The following PPP2R2B variants were observed in gnomAD, a reference collection of about 807,000 sequenced individuals.
PPP2R2B encodes serine/threonine-protein phosphatase 2A 55 kDa regulatory subunit B beta isoform.
Under a neutral mutation model 46.0 loss-of-function variants are expected in PPP2R2B, and 5 were observed. The ratio of observed to expected loss-of-function variants is 0.11; its 90% CI spans 0.06 to 0.23. The LOEUF is 0.23. Ranked by LOEUF, PPP2R2B falls within the 10% of genes least tolerant of loss-of-function variation. The pLI is 1.00. For synonymous variants in PPP2R2B, 215 were observed against 206.7 expected (o/e 1.04, Z -0.34); for missense variants, 367 against 575.0 (o/e 0.64, Z 3.70).
rs1269433842 is a variant in PPP2R2B, at chr5:146,844,939, G to T, written c.70+33063C>A. ...AAGCCCCTTCCCCTAAAGCTCTGTA[G>T]ATTTCAGAGCCCTTAGAATAACATT... On this transcript the variant is annotated intron_variant, in intron 2 of 9. Coordinates refer to ENST00000394411, the MANE Select transcript of PPP2R2B (RefSeq NM_181675.4). 2.0e-5 allele frequency among the ~76,000 whole-genome samples: 3 copies of T among 152,282 alleles called. No individual in the cohort carries two copies. In the East Asian group the frequency reaches 5.8e-4, roughly 29 times the overall value.
In PPP2R2B at chr5:146,675,288, T is replaced by C. The variant is rs6864778; in HGVS notation, c.447+15840A>G. ...ACTTGGTATTTTATACAACATAAAT[T>C]GTGATGAAAATCTGAGTATTGCCCA... On this transcript the variant is annotated intron_variant, in intron 5 of 9. Coordinates refer to ENST00000394411, the MANE Select transcript of PPP2R2B (RefSeq NM_181675.4). Among the ~76,000 whole-genome samples, 1,273 of 152,284 alleles carry C rather than the reference T, an allele frequency of 8.4e-3. 20 individuals carry two copies. Among genetic ancestry groups the C allele is most frequent in the African/African-American group, 0.029 (1,221 of 41,552 alleles).
At chr5:146,596,635 C>T (rs1473222085) in intron 8 of PPP2R2B, among the ~76,000 whole-genome samples, 3 of 152,156 alleles carry the variant, frequency 2.0e-5, no homozygotes, top group African/African-American at 4.8e-5. Context: ...ATTAAGGATT[C>T]GAATCCTGTA....
chr5:146,622,450 G>A (rs1045369472), intron 7 of PPP2R2B, among the ~76,000 whole-genome samples: 7 of 152,114 alleles, frequency 4.6e-5, no homozygotes, highest in Non-Finnish European at 1.0e-4. Context: ...TCTGACCCCA[G>A]AACCAGCACT....
chr5:146,968,527 C>A (rs982385875), intron 1 of PPP2R2B, among the ~76,000 whole-genome samples: 1 of 152,164 alleles, frequency 6.6e-6, no homozygotes, highest in Non-Finnish European at 1.5e-5. Context: ...ATTGAAACTA[C>A]GAAGATCTAT....
rs559337699 is a variant in PPP2R2B at position 146,898,488 on chromosome 5, G to A, written c.79+157177C>T. ...AAAAATTAATTCAAGATGGATTAAA[G>A]ACTTGAACATTAGACCTAAAACCAT... On this transcript the variant is annotated intron_variant, in intron 1 of 8. Coordinates refer to the PPP2R2B transcript ENST00000336640. 1.9e-3 allele frequency among the ~76,000 whole-genome samples: 290 copies of A among 152,152 alleles called. 1 individual carries two copies. The highest frequency in any genetic ancestry group is 6.6e-3 in the African/African-American group (275 of 41,480).
At chr5:147,060,755 G>A (rs1487813641), upstream of PPP2R2B, among the ~76,000 whole-genome samples, 2 of 152,176 alleles carry the variant, frequency 1.3e-5, no homozygotes, top group Admixed American at 1.3e-4. Context: ...GATCAAATGA[G>A]GTAATCCAAT....
At chr5:146,908,695 C>T (rs1167054566) in intron 1 of PPP2R2B, among the ~76,000 whole-genome samples, 2 of 152,090 alleles carry the variant, frequency 1.3e-5, no homozygotes, top group African/African-American at 2.4e-5. Context: ...CCCAAAGGCC[C>T]TACACTAGTC....
intron 1 of PPP2R2B, among the ~76,000 whole-genome samples, chr5:146,897,826 T>C (rs1762695837): frequency 1.3e-5 from 2 of 151,966 alleles, no homozygotes; most frequent in Non-Finnish European, 2.9e-5. Flanking sequence ...AAACATGGAA[T>C]TAAAAAATAT....
chr5:146,795,408 T>C (rs1313060979), intron 2 of PPP2R2B, among the ~76,000 whole-genome samples: 1 of 152,102 alleles, frequency 6.6e-6, no homozygotes, highest in Non-Finnish European at 1.5e-5. Flanking sequence ...ACCTAATACA[T>C]TACGCCAAAT....
chr5:146,748,229 G>A (rs551097101), intron 2 of PPP2R2B, among the ~76,000 whole-genome samples: 114 of 152,198 alleles, frequency 7.5e-4, no homozygotes, highest in African/African-American at 2.6e-3. Context: ...TTAAACCCAT[G>A]GCTGGTTGAT....
chr5:146,919,654 C>G (rs1763522419), intron 1 of PPP2R2B: 2 of 152,200 alleles, frequency 1.3e-5, no homozygotes, highest in East Asian at 3.9e-4. Flanking sequence ...TTCATACACC[C>G]TTTTAATGGG....
At chr5:146,787,170 G>C (rs1755891018) in intron 2 of PPP2R2B, among the ~76,000 whole-genome samples, 1 of 152,134 alleles carries the variant, frequency 6.6e-6, no homozygotes, top group African/African-American at 2.4e-5. Flanking sequence ...TTTGTTGAGG[G>C]TTGCAAACTC....
intron 2 of PPP2R2B, among the ~76,000 whole-genome samples, chr5:146,753,944 T>G (rs1374443923): frequency 6.6e-6 from 1 of 152,084 alleles, no homozygotes; most frequent in Non-Finnish European, 1.5e-5. Flanking sequence ...AGGGATGAGC[T>G]TCTGGATTTT....
chr5:146,636,513 CTGT>C (rs1269388516), intron 7 of PPP2R2B, among the ~76,000 whole-genome samples: 1 of 152,328 alleles, frequency 6.6e-6, no homozygotes, highest in East Asian at 1.9e-4. Context: ...CAGGCATGGG[CTGT>C]TTTGCCTTTG....
At chr5:146,680,572 T>C (rs528572772) in intron 5 of PPP2R2B, among the ~76,000 whole-genome samples, 1 of 146,632 alleles carries the variant, frequency 6.8e-6, no homozygotes, top group African/African-American at 2.7e-5. Context: ...ACCACAGCGT[T>C]GCACACACTT....
At chr5:146,810,525 C>A (rs143755724) in intron 2 of PPP2R2B, among the ~76,000 whole-genome samples, 1 of 152,246 alleles carries the variant, frequency 6.6e-6, no homozygotes, top group African/African-American at 2.4e-5. Flanking sequence ...CCAAACCATA[C>A]CAGATGCGGA....
intron 1 of PPP2R2B, among the ~76,000 whole-genome samples, chr5:146,936,887 A>G (rs537239509): frequency 1.3e-5 from 2 of 149,662 alleles, no homozygotes; most frequent in African/African-American, 2.5e-5. Flanking sequence ...TTTTTCTTCA[A>G]TGCTGTCTAA....
At position 146,586,898 on chromosome 5, in the gene PPP2R2B, C is replaced by CAA. The variant is rs947909169; in HGVS notation, c.*3047_*3048dup. 22 of 152,122 alleles carry CAA rather than the reference C, an allele frequency of 1.4e-4. No individual in the cohort carries two copies. Among genetic ancestry groups the CAA allele is most frequent in the African/African-American group, 4.3e-4 (18 of 41,416 alleles). 9.4% of individuals were successfully genotyped at this position (152,122 alleles called of 1,614,324 possible). On this transcript the variant is annotated 3_prime_UTR_variant, in exon 10 of 10. Transcript: ENST00000394411. ...CTGACAGAAGAGTACGAATGTCTACCAAAGTTCAGCTTTTTGCATTACTTG... is the reference window on the plus strand; with the variant it reads ...CTGACAGAAGAGTACGAATGTCTACCAAAAAGTTCAGCTTTTTGCATTACTTG...
intron 1 of PPP2R2B, among the ~76,000 whole-genome samples, chr5:146,934,583 G>GAAAAAAAAAAA (rs3062352): frequency 3.2e-5 from 1 of 31,498 alleles, no homozygotes; most frequent in Non-Finnish European, 6.5e-5. Flanking sequence ...TTTTTCATAA[G>GAAAAAAAAAAA]AAAAAAAAAA....
Sources: allele counts gnomAD v4.1 joint callset (sites outside exome capture counted in the v4.1 genomes callset), GRCh38; gene constraint gnomAD v4.1.1; transcripts MANE v1.5; gene names NCBI Gene and HGNC (gene_info 2026-07-23, HGNC 2026-07-21).